The following PKNOX2 variants were observed in gnomAD, a reference collection of about 807,000 sequenced individuals.
PKNOX2 encodes PBX/knotted 1 homeobox 2.
A neutral mutation model predicts 53.1 loss-of-function variants in PKNOX2; 14 were observed. The observed-to-expected ratio is 0.26, with a 90% CI of 0.17 to 0.41. PKNOX2 has a LOEUF of 0.41. PKNOX2 is among the 10% of genes least tolerant of loss of function. The probability of loss-of-function intolerance (pLI) is 1.00; values close to 1 mark genes in which losing one functional copy is unlikely to be tolerated. For missense variants in PKNOX2, 496 were observed against 602.8 expected (o/e 0.82, Z 1.85); for synonymous variants, 257 against 242.8 (o/e 1.06, Z -0.54).
rs1241178468 is a variant in PKNOX2 at position 125,370,566 on chromosome 11, AC to A, written c.227+2582del. Among the ~76,000 whole-genome samples the A allele has an allele frequency of 6.6e-6, 1 of 152,180 alleles. No individual in the cohort carries two copies. Among genetic ancestry groups the A allele is most frequent in the Non-Finnish European group, 1.5e-5 (1 of 68,032 alleles). ...ACCTGGAAGAGGGAATCCCAGGCAA[AC>A]GCGGCTGCCCCAGCACCTCAGGACA... On this transcript the variant is annotated intron_variant, in intron 5 of 12. Transcript: ENST00000298282. This position sits in a 1 kb window ranked among gnomAD's most constrained non-coding sequence, Gnocchi z 4.1.
intron 1 of PKNOX2, among the ~76,000 whole-genome samples, chr11:125,216,625 G>A (rs1375999652): frequency 6.6e-6 from 1 of 152,194 alleles, no homozygotes; most frequent in Non-Finnish European, 1.5e-5. Flanking sequence ...TGAAAACTGA[G>A]AGACACCCGG....
intron 3 of PKNOX2, among the ~76,000 whole-genome samples, chr11:125,344,719 C>G (rs1950882480): frequency 6.6e-6 from 1 of 152,162 alleles, no homozygotes; most frequent in African/African-American, 2.4e-5. Context: ...CTTTGCCTCC[C>G]CACTGAGTAT....
At chr11:125,197,351 G>A (rs890421993) in intron 1 of PKNOX2, among the ~76,000 whole-genome samples, 1 of 152,158 alleles carries the variant, frequency 6.6e-6, no homozygotes, top group African/African-American at 2.4e-5. Context: ...ACTGCTGCTT[G>A]TGCCCCGGGA....
At chr11:125,331,990 T>C (rs1950168105) in intron 3 of PKNOX2, 65 bp downstream of exon 3, 1 of 152,216 alleles carries the variant, frequency 6.6e-6, no homozygotes, top group Non-Finnish European at 1.5e-5. Flanking sequence ...TCTTTTCTTC[T>C]GAAGGCCTCT....
intron 1 of PKNOX2, among the ~76,000 whole-genome samples, chr11:125,220,149 TA>T (rs1165334019): frequency 4.6e-5 from 7 of 151,982 alleles, no homozygotes; most frequent in Non-Finnish European, 5.9e-5. Context: ...CCACCAAGTT[TA>T]AAAAAAAGTG....
intron 2 of PKNOX2, among the ~76,000 whole-genome samples, chr11:125,296,951 C>A (rs1234121615): frequency 1.3e-5 from 2 of 152,190 alleles, no homozygotes; most frequent in African/African-American, 4.8e-5. Flanking sequence ...ATCTATCTCA[C>A]CCAACGAGAA....
At chr11:125,303,564 G>A (rs1317646301) in intron 2 of PKNOX2, among the ~76,000 whole-genome samples, 2 of 152,172 alleles carry the variant, frequency 1.3e-5, no homozygotes, top group Non-Finnish European at 2.9e-5. Context: ...TCATGGCCTT[G>A]GAGATTCCTG....
chr11:125,248,985 GTA>G (rs1299609176), intron 2 of PKNOX2, among the ~76,000 whole-genome samples: 1 of 131,726 alleles, frequency 7.6e-6, no homozygotes, highest in Non-Finnish European at 1.6e-5. Context: ...TATAATATAT[GTA>G]TATATAACAT....
chr11:125,252,100 A>C (rs908094596), intron 2 of PKNOX2, among the ~76,000 whole-genome samples: 3 of 152,192 alleles, frequency 2.0e-5, no homozygotes, highest in Non-Finnish European at 4.4e-5. Context: ...AGCGCTCGTC[A>C]AGCGGTGAAG....
chr11:125,249,049 T>C (rs1217806716), intron 2 of PKNOX2, among the ~76,000 whole-genome samples: 1 of 123,718 alleles, frequency 8.1e-6, no homozygotes, highest in Non-Finnish European at 1.8e-5. Context: ...AACCTATATA[T>C]TATATATAAT....
chr11:125,337,674 C>T (rs993275193), intron 3 of PKNOX2, among the ~76,000 whole-genome samples: 1 of 152,210 alleles, frequency 6.6e-6, no homozygotes, highest in Non-Finnish European at 1.5e-5. Flanking sequence ...AGTCACCTGT[C>T]TGCTTCAGCA....
At chr11:125,259,008 A>G in intron 2 of PKNOX2, 1 of 189,046 alleles carries the variant, frequency 5.3e-6, no homozygotes. Flanking sequence ...AGTGTCGGAC[A>G]CATACTAGGA....
intron 2 of PKNOX2, among the ~76,000 whole-genome samples, chr11:125,309,130 C>CCTTCCTTCCTTCCTTCCTTCCTTT (rs1011481853): frequency 6.7e-6 from 1 of 148,434 alleles, no homozygotes; most frequent in African/African-American, 2.6e-5. Flanking sequence ...ATTACCTCTT[C>CCTTCCTTCCTTCCTTCCTTCCTTT]CTTTCTTTCT....
At chr11:125,430,406 G>A (rs370853293) in intron 12 of PKNOX2, among the ~76,000 whole-genome samples, 2 of 152,146 alleles carry the variant, frequency 1.3e-5, no homozygotes, top group Non-Finnish European at 2.9e-5. Flanking sequence ...CCCCATGTCC[G>A]CACCCATCTG....
chr11:125,308,434 A>G lies in PKNOX2; in HGVS notation c.-129-23385A>G, dbSNP rs548581993. Among the ~76,000 whole-genome samples the G allele has an allele frequency of 7.9e-5, 12 of 152,296 alleles. 1 individual carries two copies. The South Asian group carries it at 2.5e-3, about 32-fold the overall frequency. ...CAGCGGGAGCTGCATTCCTCCAGAC[A>G]TGTCAGGAGAAGCACAAGAGAAGAT... On this transcript the variant is annotated intron_variant, in intron 2 of 12. Coordinates refer to ENST00000298282, the MANE Select transcript of PKNOX2 (RefSeq NM_001382323.2).
intron 1 of PKNOX2, among the ~76,000 whole-genome samples, chr11:125,183,717 T>A (rs576241499): frequency 1.4e-5 from 2 of 147,544 alleles, no homozygotes; most frequent in East Asian, 4.0e-4. Context: ...TCTAAAGACA[T>A]TCTAAAATTC....
At chr11:125,185,904 G>A (rs1956418864) in intron 1 of PKNOX2, among the ~76,000 whole-genome samples, 1 of 152,060 alleles carries the variant, frequency 6.6e-6, no homozygotes, top group African/African-American at 2.4e-5. Context: ...GGAATTGCTG[G>A]GTCATATTCT....
At chr11:125,339,797 G>A (rs186265733) in intron 3 of PKNOX2, among the ~76,000 whole-genome samples, 1 of 152,356 alleles carries the variant, frequency 6.6e-6, no homozygotes, top group African/African-American at 2.4e-5. Flanking sequence ...CTCCCAGACA[G>A]CTACGACACA....
chr11:125,332,204 C>A (rs181142861), intron 3 of PKNOX2, among the ~76,000 whole-genome samples: 11 of 152,214 alleles, frequency 7.2e-5, no homozygotes, highest in Non-Finnish European at 5.9e-5. Flanking sequence ...ATGGGTGGGG[C>A]CTTGCTTAGT....
Sources: gnomAD v4.1 joint callset for allele counts (sites outside exome capture counted in the v4.1 genomes callset) on GRCh38, gnomAD v4.1.1 for gene constraint, Gnocchi (gnomAD v3.1) non-coding constraint, MANE v1.5 for transcripts, NCBI Gene and HGNC (gene_info 2026-07-23, HGNC 2026-07-21) for gene names.